TLE2: variants seen among roughly 807,000 people sequenced by gnomAD.
The protein encoded by TLE2 is TLE family member 2, transcriptional corepressor.
In TLE2, 74 loss-of-function variants were observed where a neutral mutation model predicts 97.2. The observed-to-expected ratio is 0.76, with a 90% CI of 0.63 to 0.92. The LOEUF (loss-of-function observed/expected upper bound fraction) is 0.92, where lower values mean the gene tolerates loss of function less well. TLE2 is among the 40% of genes least tolerant of loss of function. The pLI, the probability that TLE2 is intolerant of heterozygous loss-of-function variation, is 0.00. For missense variants in TLE2, 1,038 were observed against 1,008.7 expected, an observed-to-expected ratio of 1.03 and a Z score of -0.39; for synonymous variants, 499 against 432.1, an observed-to-expected ratio of 1.15 and a Z score of -1.92.
chr19:3,005,661 T>C, intron 16 of TLE2, 60 bp downstream of exon 16: 1 of 1,604,504 alleles, frequency 6.2e-7, no homozygotes. Context: ...ACTCCTCCAC[T>C]CCCCCTGCAC....
upstream of TLE2, among the ~76,000 whole-genome samples, chr19:3,032,617 T>G (rs1256719388): frequency 6.6e-6 from 1 of 152,140 alleles, no homozygotes; most frequent in Admixed American, 6.6e-5. The surrounding 1 kb of genome is among the most constrained non-coding windows in gnomAD (Gnocchi z 4.1). Flanking sequence ...CGAAGAAGGC[T>G]GTGGAGGGAC....
Position 3,027,852 on chromosome 19 carries a change from G to A in TLE2, c.208C>T (p.Leu70Phe), listed in dbSNP as rs749359498. Residue 70 changes from leucine (L) to phenylalanine (F), a missense_variant, in exon 4 of 20, where the codon CTC becomes TTC. Transcript: ENST00000262953. Reference protein sequence around the residue: ...YVMYYEMSYGLNIEMHKQAEI... With the variant: ...YVMYYEMSYGFNIEMHKQAEI... ...ACCTGCTTATGCATTTCAATGTTGA[G>A]CCCGTACGACATCTCATAATACTGC... 1.9e-6 allele frequency: 3 copies of A among 1,611,614 alleles called. No homozygotes were observed. Among genetic ancestry groups the A allele is most frequent in the East Asian group, 4.5e-5 (2 of 44,856 alleles).
At position 2,997,649 on chromosome 19, in the gene TLE2, T is replaced by C. The variant is rs2089243921; in HGVS notation, c.*199A>G. The stretch of plus-strand genomic sequence containing the variant: ...GCCCGAGAGAGAAGTGCGGATGTGA[T>C]AGATACATTTTATTTCCACCGAGGT... On this transcript the variant is annotated 3_prime_UTR_variant, in exon 20 of 20. Coordinates refer to ENST00000262953, the MANE Select transcript of TLE2 (RefSeq NM_003260.5). 6.9e-6 allele frequency: 4 copies of C among 580,660 alleles called. No individual in the cohort carries two copies. Among genetic ancestry groups the C allele is most frequent in the Non-Finnish European group, 9.3e-6 (3 of 322,836 alleles). The allele number at this position is 580,660 out of a possible 1,614,324, so 36.0% of individuals were successfully genotyped here. A position where few individuals can be genotyped will look rare whatever the true frequency, so the allele number is the denominator to read the frequency against.
intron 4 of TLE2, among the ~76,000 whole-genome samples, chr19:3,025,934 G>A (rs1302543791): frequency 6.6e-6 from 1 of 152,012 alleles, no homozygotes; most frequent in Non-Finnish European, 1.5e-5. Flanking sequence ...GCCAGGGTGG[G>A]CAACCCCAGG....
At chr19:3,046,946 CTCCCTT>C (rs2090146972), upstream of TLE2, among the ~76,000 whole-genome samples, 5 of 121,716 alleles carry the variant, frequency 4.1e-5, no homozygotes, top group Non-Finnish European at 5.3e-5. Flanking sequence ...CCCCCTCCTC[CTCCCTT>C]CCCTCCCTCC....
intron 17 of TLE2, among the ~76,000 whole-genome samples, chr19:3,003,091 A>G (rs1240069856): frequency 6.6e-6 from 1 of 152,108 alleles, no homozygotes; most frequent in African/African-American, 2.4e-5. Flanking sequence ...CCCCCTAGAG[A>G]AAGGCAGCTG....
chr19:3,003,783 C>G (rs997313226), intron 17 of TLE2, among the ~76,000 whole-genome samples: 1 of 152,006 alleles, frequency 6.6e-6, no homozygotes, highest in African/African-American at 2.4e-5. Context: ...TGACCCACTG[C>G]AGCCTCAACC....
intron 5 of TLE2, among the ~76,000 whole-genome samples, chr19:3,021,629 C>A (rs1188031020): frequency 1.3e-5 from 2 of 152,040 alleles, no homozygotes; most frequent in Non-Finnish European, 2.9e-5. Flanking sequence ...GTTGCCCAGG[C>A]TGGAGTGCAA....
At chr19:3,038,815 C>T (rs922670037) in intron 1 of TLE2, among the ~76,000 whole-genome samples, 6 of 152,056 alleles carry the variant, frequency 3.9e-5, no homozygotes, top group South Asian at 2.1e-4. Flanking sequence ...AAGGCTGAGG[C>T]GGGCGGATCA....
upstream of TLE2, among the ~76,000 whole-genome samples, chr19:3,029,355 C>A (rs897416011): frequency 7.6e-5 from 11 of 144,552 alleles, no homozygotes; most frequent in African/African-American, 2.7e-4. Context: ...CGCGCCCACC[C>A]CCGCGCACCG....
rs306029 is a variant in TLE2, at chr19:3,019,516, G to A, written c.370-53C>T. ...GGGCGGGGGGCGGCAGGAGCCCAGCGGTCCCCAGCCCAAGAGGTAGACACA... is the reference window on the plus strand; with the variant it reads ...GGGCGGGGGGCGGCAGGAGCCCAGCAGTCCCCAGCCCAAGAGGTAGACACA... On this transcript the variant is annotated intron_variant, in intron 6 of 19. Coordinates refer to ENST00000262953, the MANE Select transcript of TLE2 (RefSeq NM_003260.5). The surrounding 1 kb of genome is among the most constrained non-coding windows in gnomAD (Gnocchi z 5.1). 1.5e-3 allele frequency: 2,245 copies of A among 1,481,688 alleles called. 22 individuals are homozygous for A. The African/African-American group carries it at 0.026, about 17-fold the overall frequency. The allele number at this position is 1,481,688 out of a possible 1,614,324, so 91.8% of individuals were successfully genotyped here. A position where few individuals can be genotyped will look rare whatever the true frequency, so the allele number is the denominator to read the frequency against.
At chr19:3,031,765 C>T (rs959940606), upstream of TLE2, among the ~76,000 whole-genome samples, 1 of 152,116 alleles carries the variant, frequency 6.6e-6, no homozygotes, top group African/African-American at 2.4e-5. Context: ...ATGCTTTTCC[C>T]TTGCTTCTTA....
At chr19:3,039,617 A>G (rs1238736839) in intron 1 of TLE2, among the ~76,000 whole-genome samples, 1 of 152,076 alleles carries the variant, frequency 6.6e-6, no homozygotes, top group Non-Finnish European at 1.5e-5. Flanking sequence ...GGGAACACAT[A>G]CTATCTGCTC....
intron 1 of TLE2, among the ~76,000 whole-genome samples, chr19:3,036,836 G>C (rs559469105): frequency 1.2e-3 from 182 of 152,296 alleles, no homozygotes; most frequent in African/African-American, 4.0e-3. Context: ...TTTGGGAGGA[G>C]GGGGAGACAG....
In TLE2 at chr19:3,044,897, C is replaced by T. The variant is rs571200359; in HGVS notation, c.63+829G>A. Reference sequence around the variant, plus strand: ...AGAATATTTGTTGGGATAAATTGTGCGGAGCAAAAAATGCTGTGAAGATAA... The same window carrying T: ...AGAATATTTGTTGGGATAAATTGTGTGGAGCAAAAAATGCTGTGAAGATAA... On this transcript the variant is annotated intron_variant, in intron 1 of 18. Coordinates refer to the TLE2 transcript ENST00000426948. Among the ~76,000 whole-genome samples, 27 of 152,216 alleles carry T rather than the reference C, an allele frequency of 1.8e-4. No individual in the cohort carries two copies. In the East Asian group the frequency reaches 2.5e-3, roughly 14 times the overall value.
chr19:2,999,127 C>T (rs539392150), intron 19 of TLE2, among the ~76,000 whole-genome samples: 30 of 152,106 alleles, frequency 2.0e-4, no homozygotes, highest in South Asian at 4.2e-4. Flanking sequence ...ACTAAAAATA[C>T]AAAACTTAGC....
In TLE2 at chr19:3,006,597, G is replaced by A. The variant is rs1427149724; in HGVS notation, c.1323C>T (p.Gly441=). The A allele has an allele frequency of 2.5e-6, 4 of 1,608,794 alleles. No homozygotes were observed. Among genetic ancestry groups the A allele is most frequent in the Non-Finnish European group, 2.5e-6 (3 of 1,178,106 alleles). The change falls in exon 15 of 20, where the codon GGC becomes GGT. Residue 441 remains glycine, a synonymous_variant. Coordinates refer to ENST00000262953, the MANE Select transcript of TLE2 (RefSeq NM_003260.5). ...GCCGGGCGTGCCGCGGGATGCCCGC[G>A]CCTACCAGTGCATCCGAGGGGAAGG... The part of the protein sequence containing the change: ...PVPFPSDALV[G]AGIPRHARQL...
intron 1 of TLE2, among the ~76,000 whole-genome samples, chr19:3,042,312 G>A (rs2090110283): frequency 8.2e-6 from 1 of 121,770 alleles, no homozygotes; most frequent in Non-Finnish European, 1.8e-5. Flanking sequence ...GAGGTGCGGG[G>A]GAGGGGCAGA....
intron 2 of TLE2, 60 bp downstream of exon 2, chr19:3,028,646 G>A: frequency 1.3e-6 from 2 of 1,583,136 alleles, no homozygotes; most frequent in Non-Finnish European, 1.7e-6. Flanking sequence ...TACCCCGGAG[G>A]CCTCGCCCCG....
Sources: allele counts gnomAD v4.1 joint callset (sites outside exome capture counted in the v4.1 genomes callset), GRCh38; gene constraint gnomAD v4.1.1; non-coding constraint Gnocchi (gnomAD v3.1); transcripts MANE v1.5; gene names NCBI Gene and HGNC (gene_info 2026-07-23, HGNC 2026-07-21).